Variants in EFHC2 observed in about 807,000 individuals in gnomAD.
EFHC2 encodes the protein EF-hand domain containing 2, also known as EF-hand domain-containing family member C2.
EFHC2 carries 18 observed loss-of-function variants against 52.7 expected under a neutral mutation model. The observed-to-expected ratio is 0.34, with a 90% confidence interval of 0.24 to 0.51. The LOEUF (loss-of-function observed/expected upper bound fraction) is 0.51. EFHC2 is among the 20% of genes least tolerant of loss of function. The pLI is 0.97. For synonymous variants in EFHC2, 203 were observed against 204.1 expected, an observed-to-expected ratio of 0.99 and a Z score of 0.04; for missense variants, 513 against 562.5, an observed-to-expected ratio of 0.91 and a Z score of 0.89.
chrX:44,266,797 A>T (rs2037581597), intron 3 of EFHC2, among the ~76,000 whole-genome samples: 1 of 111,799 alleles, frequency 8.9e-6, no homozygotes, highest in Admixed American at 9.6e-5. Context: ...ACCTATATAT[A>T]GTACATGCCC....
chrX:44,315,130 A>AAAAG (rs2037975343), intron 1 of EFHC2, among the ~76,000 whole-genome samples: 1 of 110,363 alleles, frequency 9.1e-6, no homozygotes, highest in East Asian at 2.9e-4. Flanking sequence ...CTGCTTGTTT[A>AAAAG]AAAGAGTCTG....
At chrX:44,331,799 C>T (rs2038088266) in intron 1 of EFHC2, among the ~76,000 whole-genome samples, 1 of 110,447 alleles carries the variant, frequency 9.1e-6, no homozygotes, top group Admixed American at 9.7e-5. Context: ...TGGTGTGCAC[C>T]TGTGGTCCCG....
chrX:44,229,601 G>T, intron 11 of EFHC2, 48 bp downstream of exon 11: 1 of 1,198,910 alleles, frequency 8.3e-7, no homozygotes, highest in Non-Finnish European at 1.1e-6. Flanking sequence ...CTGTTCTTTG[G>T]ACAACCTTGA....
chrX:44,294,572 G>T (rs1472936585), intron 2 of EFHC2, among the ~76,000 whole-genome samples: 1 of 110,614 alleles, frequency 9.0e-6, no homozygotes, highest in Non-Finnish European at 1.9e-5. Context: ...ACCAACCAAG[G>T]TCACAAAATG....
At position 44,187,135 on chromosome X, in the gene EFHC2, G is replaced by GTA. The variant is rs746801274; in HGVS notation, c.1752-8573_1752-8572dup. 7.7e-3 allele frequency among the ~76,000 whole-genome samples: 475 copies of GTA among 61,651 alleles called. 44 individuals carry two copies. The highest frequency in any genetic ancestry group is 0.015 in the South Asian group (22 of 1,478). 53.5% of individuals were successfully genotyped at this position (61,651 alleles called of 115,157 possible). A position where few individuals can be genotyped will look rare whatever the true frequency, so the allele number is the denominator to read the frequency against. ...CCATGTCTCAAAGGAAAACAAAATG[G>GTA]TATATATATATATATATGGGCTTTA... On this transcript the variant is annotated intron_variant, in intron 11 of 14. Coordinates refer to ENST00000420999, the MANE Select transcript of EFHC2 (RefSeq NM_025184.4).
At chrX:44,304,881 T>A (rs1264535871) in intron 2 of EFHC2, among the ~76,000 whole-genome samples, 1 of 110,130 alleles carries the variant, frequency 9.1e-6, no homozygotes. Flanking sequence ...CTGCAGGATA[T>A]AAAATATACA....
In EFHC2 at chrX:44,251,031, G is replaced by A. The variant is rs781357953; in HGVS notation, c.607-586C>T. On this transcript the variant is annotated intron_variant, in intron 4 of 14. Transcript: ENST00000420999. ...AGGCAGGTGGATCACGAGGTCAGGA[G>A]ATCGAGACCATCCTGACTAACACGG... 6.6e-3 allele frequency among the ~76,000 whole-genome samples: 699 copies of A among 105,625 alleles called. 5 individuals carry two copies. Among genetic ancestry groups the A allele is most frequent in the Non-Finnish European group, 0.012 (608 of 51,596 alleles). 91.7% of individuals were successfully genotyped at this position (105,625 alleles called of 115,157 possible). A position where few individuals can be genotyped will look rare whatever the true frequency, so the allele number is the denominator to read the frequency against.
At position 44,148,560 on chromosome X, in the gene EFHC2, T is replaced by C. The variant is rs887532739; in HGVS notation, c.*235A>G. 1 of 317,053 alleles carries C rather than the reference T, an allele frequency of 3.2e-6. No homozygotes were observed. The highest frequency in any genetic ancestry group is 2.8e-5 in the African/African-American group (1 of 36,144). The allele number at this position is 317,053 out of a possible 1,213,427, so 26.1% of individuals were successfully genotyped here. The stretch of plus-strand genomic sequence containing the variant: ...TTTTGGTATTAATAAACCATACATA[T>C]AATAAAAATATTCAACATGTTTTAA... On this transcript the variant is annotated 3_prime_UTR_variant, in exon 15 of 15. Transcript: ENST00000420999.
At chrX:44,334,924 A>C (rs1034555079) in intron 1 of EFHC2, among the ~76,000 whole-genome samples, 2 of 111,939 alleles carry the variant, frequency 1.8e-5, no homozygotes, top group Non-Finnish European at 3.8e-5. Context: ...CAGTTTGGCT[A>C]TTTATTGCAA....
intron 1 of EFHC2, among the ~76,000 whole-genome samples, chrX:44,334,047 C>T (rs2038103400): frequency 8.9e-6 from 1 of 112,072 alleles, no homozygotes; most frequent in Non-Finnish European, 1.9e-5. Context: ...CTGCCTAAAT[C>T]TGAAACTGCT....
At chrX:44,211,779 C>T (rs1056562620) in intron 11 of EFHC2, among the ~76,000 whole-genome samples, 2 of 97,887 alleles carry the variant, frequency 2.0e-5, no homozygotes, top group Non-Finnish European at 4.0e-5. Flanking sequence ...GGCTGAGGTA[C>T]GAGAACGGCG....
intron 12 of EFHC2, among the ~76,000 whole-genome samples, chrX:44,176,670 T>C (rs1274810416): frequency 8.9e-6 from 1 of 112,502 alleles, no homozygotes; most frequent in Non-Finnish European, 1.9e-5. Context: ...GCCACAAGTG[T>C]TGCTCTAAGT....
At chrX:44,310,519 G>A (rs922011343) in intron 2 of EFHC2, 2 of 404,887 alleles carry the variant, frequency 4.9e-6, no homozygotes, top group African/African-American at 2.5e-5. Flanking sequence ...GGGACCGGGC[G>A]GCTGGGATGG....
intron 2 of EFHC2, among the ~76,000 whole-genome samples, chrX:44,283,675 CTTTTTTTTT>C (rs35434534): frequency 2.3e-5 from 1 of 42,585 alleles, no homozygotes; most frequent in African/African-American, 1.0e-4. Context: ...ACGGAAGTAC[CTTTTTTTTT>C]TTTTTTTTTT....
At chrX:44,208,530 A>G (rs2037066522) in intron 11 of EFHC2, among the ~76,000 whole-genome samples, 1 of 111,509 alleles carries the variant, frequency 9.0e-6, no homozygotes, top group African/African-American at 3.3e-5. Context: ...AAAGCTACCT[A>G]TTGAGTACTA....
Position 44,220,675 on chromosome X carries a change from TA to T in EFHC2, c.1751+8973del, listed in dbSNP as rs1265949903. Among the ~76,000 whole-genome samples the T allele has an allele frequency of 5.3e-5, 6 of 112,317 alleles. No homozygotes were observed. The East Asian group carries it at 1.4e-3, about 26-fold the overall frequency. On this transcript the variant is annotated intron_variant, in intron 11 of 14. Coordinates refer to ENST00000420999, the MANE Select transcript of EFHC2 (RefSeq NM_025184.4). ...ATGTGGTCTACCTCTTTCTAATGGC[TA>T]AAAAATATTGTCTGAAATTAATGCA...
chrX:44,152,824 T>C (rs1410834510), intron 14 of EFHC2, among the ~76,000 whole-genome samples: 3 of 111,453 alleles, frequency 2.7e-5, no homozygotes, highest in African/African-American at 9.8e-5. Flanking sequence ...TAACATGTCC[T>C]CAAAAATTTC....
intron 11 of EFHC2, among the ~76,000 whole-genome samples, chrX:44,203,742 A>G (rs2037024668): frequency 9.0e-6 from 1 of 111,046 alleles, no homozygotes; most frequent in Admixed American, 9.6e-5. Flanking sequence ...GCACACTACC[A>G]CACTCAGCTA....
chrX:44,324,649 G>A (rs1454396720), intron 1 of EFHC2, among the ~76,000 whole-genome samples: 3 of 111,748 alleles, frequency 2.7e-5, no homozygotes, highest in Non-Finnish European at 5.6e-5. Context: ...AAGAATATAT[G>A]ATGGGGCCTT....
Sources: gnomAD v4.1 joint callset for allele counts (sites outside exome capture counted in the v4.1 genomes callset) on GRCh38, gnomAD v4.1.1 for gene constraint, MANE v1.5 for transcripts, NCBI Gene and HGNC (gene_info 2026-07-23, HGNC 2026-07-21) for gene names.